MAST2: variants seen among roughly 807,000 people sequenced by gnomAD.
MAST2 encodes the protein microtubule-associated serine/threonine-protein kinase 2.
Under a neutral mutation model 147.4 loss-of-function variants are expected in MAST2, and 70 were observed. That is an observed-to-expected ratio of 0.47 (90% CI 0.39 to 0.58). The LOEUF (loss-of-function observed/expected upper bound fraction) is 0.58, where lower values mean the gene tolerates loss of function less well. Ranked by LOEUF, MAST2 falls within the 20% of genes least tolerant of loss-of-function variation. The pLI, the probability that MAST2 is intolerant of heterozygous loss-of-function variation, is 0.00. For synonymous variants in MAST2, 869 were observed against 896.8 expected, an observed-to-expected ratio of 0.97 and a Z score of 0.55; for missense variants, 2,080 against 2,302.3, an observed-to-expected ratio of 0.90 and a Z score of 1.98.
rs767403569 is a variant in MAST2 at position 46,027,764 on chromosome 1, C to T, written c.1953C>T (p.Leu651=). Residue 651 remains leucine, a synonymous_variant, in exon 17 of 29, where the codon CTC becomes CTT. Transcript: ENST00000361297. ...LLITSMGHIK[L]TDFGLSKIGL... ...TTACATCCATGGGGCACATCAAGCT[C>T]ACGGACTTTGGACTGTCCAAAATTG... The T allele has an allele frequency of 9.3e-6, 15 of 1,613,776 alleles. No individual in the cohort carries two copies. The highest frequency in any genetic ancestry group is 1.3e-5 in the African/African-American group (1 of 74,930).
intron 1 of MAST2, among the ~76,000 whole-genome samples, chr1:45,818,696 C>T (rs564107913): frequency 6.6e-6 from 1 of 152,328 alleles, no homozygotes; most frequent in South Asian, 2.1e-4. Context: ...ACCTTCAAGG[C>T]TTGCCTCCTT....
intron 5 of MAST2, among the ~76,000 whole-genome samples, chr1:45,976,960 A>G (rs1333296622): frequency 2.0e-5 from 3 of 152,212 alleles, no homozygotes; most frequent in Non-Finnish European, 2.9e-5. Context: ...ATTTATGACA[A>G]AAGTGGCACT....
rs1277093153 is a variant in MAST2 at position 45,829,505 on chromosome 1, CAGG to C, written c.395_397del (p.Gly132del). 1.2e-6 allele frequency: 2 copies of C among 1,614,062 alleles called. No individual in the cohort carries two copies. The highest frequency in any genetic ancestry group is 2.7e-5 in the African/African-American group (2 of 74,938). On this transcript the variant is annotated inframe_deletion, in exon 3 of 29. Transcript: ENST00000361297. ...GTGGGACAGGTGACTTGGCAGTCGTCAGGAGAAGCATCAAACCTGGTTCGAATG... is the reference window on the plus strand; with the variant it reads ...GTGGGACAGGTGACTTGGCAGTCGTCAGAAGCATCAAACCTGGTTCGAATG...
At chr1:46,026,472 C>T (rs785479) in intron 16 of MAST2, among the ~76,000 whole-genome samples, 67,925 of 151,916 alleles carry the variant, frequency 0.45, 15,385 homozygotes, top group East Asian at 0.63. Context: ...CTAAAGGGGC[C>T]TAGAGAGTCT....
intron 3 of MAST2, among the ~76,000 whole-genome samples, chr1:45,868,389 G>C (rs949081871): frequency 2.6e-5 from 4 of 152,116 alleles, no homozygotes; most frequent in African/African-American, 9.7e-5. Flanking sequence ...CACATTATTT[G>C]CCCATAAGGC....
At chr1:45,854,229 C>T (rs1301865175) in intron 3 of MAST2, among the ~76,000 whole-genome samples, 4 of 151,604 alleles carry the variant, frequency 2.6e-5, no homozygotes, top group Non-Finnish European at 5.9e-5. Flanking sequence ...CTCATCTACT[C>T]GGGAGGCTGA....
chr1:45,886,910 T>A (rs1482033238), intron 4 of MAST2, among the ~76,000 whole-genome samples: 1 of 152,192 alleles, frequency 6.6e-6, no homozygotes, highest in Non-Finnish European at 1.5e-5. Context: ...CACTGCAGCC[T>A]GGTCCTCCCT....
intron 10 of MAST2, among the ~76,000 whole-genome samples, chr1:46,011,471 A>G (rs1427846771): frequency 6.6e-6 from 1 of 152,178 alleles, no homozygotes; most frequent in Non-Finnish European, 1.5e-5. Flanking sequence ...GGCTAAAGGT[A>G]AAGTAATCCA....
In MAST2 at chr1:46,027,725, T is replaced by C. The variant is rs1646474038; in HGVS notation, c.1920-6T>C. 2 of 1,603,412 alleles carry C rather than the reference T, an allele frequency of 1.2e-6. No homozygotes were observed. Among genetic ancestry groups the C allele is most frequent in the African/African-American group, 1.3e-5 (1 of 74,362 alleles). On this transcript the variant is annotated splice_polypyrimidine_tract_variant and splice_region_variant and intron_variant, in intron 16 of 28. Coordinates refer to ENST00000361297, the MANE Select transcript of MAST2 (RefSeq NM_015112.3). ...ACTTCTTAATTTTATTTCTTCGTTC[T>C]TCCAGCCTCCTAATTACATCCATGG... is the stretch of plus-strand genomic sequence containing the variant.
At chr1:45,876,655 GA>G (rs563670599) in intron 3 of MAST2, among the ~76,000 whole-genome samples, 2 of 152,190 alleles carry the variant, frequency 1.3e-5, no homozygotes, top group Non-Finnish European at 2.9e-5. Context: ...TATTCCCTGG[GA>G]AAAGGAGGAT....
intron 10 of MAST2, among the ~76,000 whole-genome samples, chr1:46,018,706 T>G (rs182869469): frequency 3.7e-4 from 56 of 152,280 alleles, no homozygotes; most frequent in Non-Finnish European, 6.9e-4. Context: ...CCTAGGAAAG[T>G]GATCCTCTCT....
rs555670999 is a variant in MAST2 at position 45,997,095 on chromosome 1, T to TA, written c.593-628dup. ...ATTGGGATTAATGCAAAGGTAAACT[T>TA]ACAGTTTTGTTCAAAGCTTCTGAGC... is the stretch of plus-strand genomic sequence containing the variant. On this transcript the variant is annotated intron_variant, in intron 5 of 28. Transcript: ENST00000361297. Among the ~76,000 whole-genome samples, 23 of 152,284 alleles carry TA rather than the reference T, an allele frequency of 1.5e-4. No individual in the cohort carries two copies. In the East Asian group the frequency reaches 2.5e-3, roughly 17 times the overall value.
chr1:45,986,625 G>A (rs1317261743), intron 5 of MAST2, among the ~76,000 whole-genome samples: 1 of 150,616 alleles, frequency 6.6e-6, no homozygotes, highest in Non-Finnish European at 1.5e-5. Flanking sequence ...GCTGAGGCAG[G>A]AGAATGGTGT....
In MAST2 at chr1:45,870,280, A is replaced by AT. The variant is rs1334671615; in HGVS notation, c.469-12078dup. On this transcript the variant is annotated intron_variant, in intron 3 of 28. Transcript: ENST00000361297. ...TTTCTGTATCATCTGATATTGTTTT[A>AT]TTTTTTCTCAATTTATTTGAGGTAT... is the stretch of plus-strand genomic sequence containing the variant. 2.6e-5 allele frequency among the ~76,000 whole-genome samples: 4 copies of AT among 151,444 alleles called. No homozygotes were observed. The South Asian group carries it at 6.3e-4, about 24-fold the overall frequency.
At chr1:46,019,467 GTTCC>G (rs1258202932) in intron 10 of MAST2, 125 bp from the exon 11 acceptor site, 4 of 673,844 alleles carry the variant, frequency 5.9e-6, no homozygotes, top group Non-Finnish European at 1.0e-5. Flanking sequence ...CCTTCTCTGA[GTTCC>G]TTGCTTTGCG....
intron 4 of MAST2, among the ~76,000 whole-genome samples, chr1:45,910,339 AT>A (rs1368900821): frequency 6.6e-6 from 1 of 152,130 alleles, no homozygotes; most frequent in East Asian, 1.9e-4. Flanking sequence ...GAAGTTTTTT[AT>A]TCTTTTAAAA....
chr1:46,028,929 C>A lies in MAST2; in HGVS notation c.2214C>A (p.Ile738=). The A allele has an allele frequency of 1.3e-6, 2 of 1,591,518 alleles. No individual in the cohort carries two copies. The highest frequency in any genetic ancestry group is 1.2e-5 in the South Asian group (1 of 85,872). ...CGGAGGAGCTCTTTGGGCAGGTGATCAGTGGTAGGTACTATGCCCCTGGCC... is the reference window on the plus strand; with the variant it reads ...CGGAGGAGCTCTTTGGGCAGGTGATAAGTGGTAGGTACTATGCCCCTGGCC... ...DTPEELFGQV[I]SDEIVWPEGD... is the part of the protein sequence containing the mutation. The change falls in exon 18 of 29, where the codon ATC becomes ATA. Residue 738 remains isoleucine (I), a synonymous_variant. Coordinates refer to ENST00000361297, the MANE Select transcript of MAST2 (RefSeq NM_015112.3).
At chr1:45,930,745 G>A (rs1655158732) in intron 4 of MAST2, among the ~76,000 whole-genome samples, 1 of 151,934 alleles carries the variant, frequency 6.6e-6, no homozygotes, top group Non-Finnish European at 1.5e-5. Context: ...CCAAACCAGG[G>A]GTCAGCAAAA....
chr1:45,977,834 A>G (rs1263913314), intron 5 of MAST2, among the ~76,000 whole-genome samples: 1 of 151,266 alleles, frequency 6.6e-6, no homozygotes, highest in African/African-American at 2.4e-5. Flanking sequence ...TTATCAAAAG[A>G]TACTATGAAA....
Sources: allele counts gnomAD v4.1 joint callset (sites outside exome capture counted in the v4.1 genomes callset), GRCh38; gene constraint gnomAD v4.1.1; transcripts MANE v1.5; gene names NCBI Gene and HGNC (gene_info 2026-07-23, HGNC 2026-07-21).